The following EPM2A variants were observed in gnomAD, a reference collection of about 807,000 sequenced individuals.
EPM2A encodes the protein laforin.
Under a neutral mutation model 26.5 loss-of-function variants are expected in EPM2A, and 21 were observed. That is an observed-to-expected ratio of 0.79 (90% CI 0.56 to 1.14). The LOEUF (loss-of-function observed/expected upper bound fraction) is 1.14. EPM2A is among the 50% of genes most tolerant of loss of function. EPM2A has a pLI of 0.00. For missense variants in EPM2A, 458 were observed against 440.8 expected (o/e 1.04, Z -0.35); for synonymous variants, 217 against 177.6 (o/e 1.22, Z -1.76).
Position 145,706,130 on chromosome 6 carries a change from G to A in EPM2A, c.302-19834C>T, listed in dbSNP as rs939120662. Among the ~76,000 whole-genome samples, 3 of 152,302 alleles carry A rather than the reference G, an allele frequency of 2.0e-5. 1 individual carries two copies. The highest frequency in any genetic ancestry group is 4.1e-4 in the South Asian group (2 of 4,832). On this transcript the variant is annotated intron_variant, in intron 1 of 3. Transcript: ENST00000367519. Reference sequence around the variant, plus strand: ...TTGTGAGTATAAATTAAGACTCAAAGTCCCAGTTCTGGACATAGTACTTTA... The same window carrying A: ...TTGTGAGTATAAATTAAGACTCAAAATCCCAGTTCTGGACATAGTACTTTA...
chr6:145,496,728 A>ATTTTTTTTTTTTTT (rs1554244200), downstream of EPM2A, among the ~76,000 whole-genome samples: 327 of 106,802 alleles, frequency 3.1e-3, 54 homozygotes, highest in Middle Eastern at 0.011. Context: ...AGTTCCTGCA[A>ATTTTTTTTTTTTTT]TTTTTTTTTT....
intron 2 of EPM2A, chr6:145,635,712 G>A: frequency 3.8e-6 from 2 of 523,480 alleles, no homozygotes; most frequent in South Asian, 2.2e-5. Flanking sequence ...GCCAGGAAAT[G>A]GACATTTGCA....
intron 2 of EPM2A, among the ~76,000 whole-genome samples, chr6:145,557,485 A>G (rs1780744121): frequency 6.6e-6 from 1 of 152,134 alleles, no homozygotes; most frequent in Admixed American, 6.6e-5. Context: ...TAAAATCTCA[A>G]GACTAAAGGG....
chr6:145,444,275 T>C (rs1300009643), intron 4 of EPM2A, among the ~76,000 whole-genome samples: 1 of 152,228 alleles, frequency 6.6e-6, no homozygotes, highest in African/African-American at 2.4e-5. Flanking sequence ...GTATGTTCCT[T>C]TAATACCTAG....
At position 145,735,211 on chromosome 6, in the gene EPM2A, C is replaced by G; in HGVS notation, c.288G>C (p.Glu96Asp). ...TGCTGGCAATACCTTCCCAGGAGAGCTCTCCTCCCGGCTCCCGCTTCAGGA... is the reference window on the plus strand; with the variant it reads ...TGCTGGCAATACCTTCCCAGGAGAGGTCTCCTCCCGGCTCCCGCTTCAGGA... The part of the protein sequence containing the change: ...YKFLKREPGG[E>D]LSWEGNGPHH... The change falls in exon 1 of 4, where the codon GAG (glutamate) becomes GAC (aspartate). Residue 96 changes from glutamate (E) to aspartate (D), a missense_variant. Transcript: ENST00000367519. 6.5e-7 allele frequency: 1 copy of G among 1,527,830 alleles called. No individual in the cohort carries two copies. Among genetic ancestry groups the G allele is most frequent in the Admixed American group, 2.0e-5 (1 of 50,454 alleles). The allele number at this position is 1,527,830 out of a possible 1,614,324, so 94.6% of individuals were successfully genotyped here.
chr6:145,511,905 T>TCAGTA (rs1375709768), intron 2 of EPM2A, among the ~76,000 whole-genome samples: 1 of 152,114 alleles, frequency 6.6e-6, no homozygotes, highest in Non-Finnish European at 1.5e-5. Context: ...ATTAGAAACT[T>TCAGTA]CAGTAAAGTC....
intron 4 of EPM2A, among the ~76,000 whole-genome samples, chr6:145,426,509 T>A (rs1020274257): frequency 1.3e-5 from 2 of 152,242 alleles, no homozygotes; most frequent in African/African-American, 4.8e-5. Flanking sequence ...AGAGATGGGA[T>A]ACTAAAGGGT....
intron 2 of EPM2A, among the ~76,000 whole-genome samples, chr6:145,576,652 G>T (rs918035897): frequency 3.3e-5 from 5 of 152,056 alleles, no homozygotes; most frequent in African/African-American, 1.2e-4. Flanking sequence ...GCTAAAAAGA[G>T]GCCTTCAATA....
rs149927920 is a variant in EPM2A at position 145,701,430 on chromosome 6, T to C, written c.302-15134A>G. ...TTCATAGGGTCACCTCTAGGCATCA[T>C]GTCTGGAGTCCTAACCATGAAGAAG... On this transcript the variant is annotated intron_variant, in intron 1 of 3. Coordinates refer to ENST00000367519, the MANE Select transcript of EPM2A (RefSeq NM_005670.4). Among the ~76,000 whole-genome samples the C allele has an allele frequency of 4.3e-3, 656 of 152,314 alleles. 5 individuals carry two copies. The highest frequency in any genetic ancestry group is 7.7e-3 in the South Asian group (37 of 4,822).
intron 2 of EPM2A, among the ~76,000 whole-genome samples, chr6:145,672,349 TA>T (rs1367055573): frequency 3.3e-5 from 5 of 152,226 alleles, no homozygotes; most frequent in Admixed American, 6.5e-5. Flanking sequence ...GAAAAGACGG[TA>T]ACAATAAAAT....
chr6:145,605,274 A>G (rs1775212990), intron 2 of EPM2A, among the ~76,000 whole-genome samples: 1 of 152,180 alleles, frequency 6.6e-6, no homozygotes, highest in African/African-American at 2.4e-5. Context: ...AAGAGTTATA[A>G]CATGCCATAC....
intron 2 of EPM2A, among the ~76,000 whole-genome samples, chr6:145,563,064 C>T (rs1035142128): frequency 2.0e-5 from 3 of 151,716 alleles, no homozygotes; most frequent in East Asian, 2.0e-4. Flanking sequence ...GGCAGACACT[C>T]GAGCTGATCT....
intron 2 of EPM2A, among the ~76,000 whole-genome samples, chr6:145,509,503 A>G (rs932748700): frequency 6.6e-6 from 1 of 152,172 alleles, no homozygotes; most frequent in African/African-American, 2.4e-5. Context: ...TTCATAAACA[A>G]AGTACAAATA....
intron 2 of EPM2A, among the ~76,000 whole-genome samples, chr6:145,522,293 C>T (rs1780213740): frequency 6.6e-6 from 1 of 152,082 alleles, no homozygotes; most frequent in South Asian, 2.1e-4. Flanking sequence ...ACACATCCAG[C>T]TTAGGTACTC....
At position 145,435,889 on chromosome 6, in the gene EPM2A, C is replaced by G. The variant is rs555746982; in HGVS notation, c.556-51792G>C. Among the ~76,000 whole-genome samples, 12 of 152,290 alleles carry G rather than the reference C, an allele frequency of 7.9e-5. No homozygotes were observed. In the South Asian group the frequency reaches 2.1e-3, roughly 26 times the overall value. On this transcript the variant is annotated intron_variant, in intron 4 of 4. Transcript: ENST00000638717. ...TTTTATACCCCTGTGCACACACATA[C>G]ATAGCATCCCCCAAAAAGTGGTGTC...
chr6:145,440,916 C>T (rs867010707), intron 4 of EPM2A, among the ~76,000 whole-genome samples: 2 of 152,174 alleles, frequency 1.3e-5, no homozygotes, highest in South Asian at 2.1e-4. Context: ...TGCAAGCTGT[C>T]GGTGGATCTA....
intron 2 of EPM2A, among the ~76,000 whole-genome samples, chr6:145,680,371 ATTTATTTATTTAT>A (rs901941708): frequency 3.5e-5 from 3 of 86,342 alleles, no homozygotes; most frequent in African/African-American, 1.0e-4. Flanking sequence ...TCATTTATTT[ATTTATTTATTTAT>A]TTTATTTTAT....
Position 145,557,258 on chromosome 6 carries a change from A to C in EPM2A, c.341-54683T>G, listed in dbSNP as rs575134935. On this transcript the variant is annotated intron_variant, in intron 2 of 3. Transcript: ENST00000450221. Reference sequence around the variant, plus strand: ...TAAGCTCAACTGCAAGGAAATAGCAAGAAGCAGAGAGTGAGGGATGAGAAA... The same window carrying C: ...TAAGCTCAACTGCAAGGAAATAGCACGAAGCAGAGAGTGAGGGATGAGAAA... Among the ~76,000 whole-genome samples, 16 of 152,270 alleles carry C rather than the reference A, an allele frequency of 1.1e-4. No homozygotes were observed. In the East Asian group the frequency reaches 2.5e-3, roughly 24 times the overall value.
At chr6:145,676,927 T>C (rs530334272) in intron 2 of EPM2A, among the ~76,000 whole-genome samples, 8 of 152,206 alleles carry the variant, frequency 5.3e-5, no homozygotes, top group Non-Finnish European at 8.8e-5. Context: ...TAACTCATTT[T>C]ATGAGGCTAG....
Sources: gnomAD v4.1 joint callset for allele counts (sites outside exome capture counted in the v4.1 genomes callset) on GRCh38, gnomAD v4.1.1 for gene constraint, MANE v1.5 for transcripts, NCBI Gene and HGNC (gene_info 2026-07-23, HGNC 2026-07-21) for gene names.